CDH13: variants seen among roughly 807,000 people sequenced by gnomAD.
CDH13 encodes the protein cadherin-13.
Under a neutral mutation model 63.8 loss-of-function variants are expected in CDH13, and 24 were observed. That is an observed-to-expected ratio of 0.38 (90% confidence interval 0.27 to 0.53). The LOEUF is 0.53. Among genes scored for constraint, CDH13 ranks in the 20% least tolerant of loss-of-function variants. The pLI, the probability that CDH13 is intolerant of heterozygous loss-of-function variation, is 0.85. For synonymous variants in CDH13, 503 were observed against 355.3 expected, an observed-to-expected ratio of 1.42 and a Z score of -4.67; for missense variants, 1,049 against 903.1, an observed-to-expected ratio of 1.16 and a Z score of -2.07.
intron 1 of CDH13, chr16:82,637,776 A>G (rs1452115060): frequency 6.6e-6 from 1 of 152,208 alleles, no homozygotes; most frequent in Admixed American, 6.5e-5. Flanking sequence ...TGGTGAGTTT[A>G]AGGAACTGAC....
intron 4 of CDH13, among the ~76,000 whole-genome samples, chr16:83,183,400 T>C (rs1019233240): frequency 1.3e-5 from 2 of 152,220 alleles, no homozygotes; most frequent in Non-Finnish European, 2.9e-5. Flanking sequence ...CGTGAAGCCA[T>C]GGATTTGTTT....
At chr16:82,888,131 A>G (rs1008907635) in intron 2 of CDH13, among the ~76,000 whole-genome samples, 2 of 152,228 alleles carry the variant, frequency 1.3e-5, no homozygotes, top group African/African-American at 4.8e-5. Flanking sequence ...AGTTCCAAAA[A>G]GCACCGAACA....
chr16:83,362,238 T>G (rs913065990), intron 6 of CDH13, among the ~76,000 whole-genome samples: 9 of 152,164 alleles, frequency 5.9e-5, no homozygotes, highest in Non-Finnish European at 1.2e-4. Flanking sequence ...TCCACGCACA[T>G]CCACATATTC....
intron 2 of CDH13, among the ~76,000 whole-genome samples, chr16:82,899,151 G>A (rs1448186559): frequency 6.6e-6 from 1 of 152,244 alleles, no homozygotes; most frequent in Admixed American, 6.5e-5. Flanking sequence ...TGCAAGCTCA[G>A]TCCACAGGGT....
intron 2 of CDH13, among the ~76,000 whole-genome samples, chr16:82,941,054 C>T (rs567827123): frequency 5.3e-5 from 8 of 151,886 alleles, no homozygotes; most frequent in East Asian, 1.9e-4. Context: ...TTCTGGCAAA[C>T]GATAGGAAAA....
intron 7 of CDH13, among the ~76,000 whole-genome samples, chr16:83,555,614 G>A (rs2150678115): frequency 6.6e-6 from 1 of 152,346 alleles, no homozygotes; most frequent in African/African-American, 2.4e-5. Context: ...GTGATACTTA[G>A]CATAAGTGGA....
chr16:82,692,272 T>C (rs1364035664), intron 1 of CDH13, among the ~76,000 whole-genome samples: 1 of 152,198 alleles, frequency 6.6e-6, no homozygotes, highest in Non-Finnish European at 1.5e-5. Flanking sequence ...AATAAGTCAT[T>C]AGAAACTATA....
At chr16:82,862,265 C>CT (rs2039974891) in intron 2 of CDH13, among the ~76,000 whole-genome samples, 1 of 152,192 alleles carries the variant, frequency 6.6e-6, no homozygotes, top group Admixed American at 6.5e-5. Context: ...GATCCCCAGT[C>CT]TTAGAAGAAT....
intron 2 of CDH13, among the ~76,000 whole-genome samples, chr16:82,951,464 A>G (rs1278445731): frequency 6.6e-6 from 1 of 152,230 alleles, no homozygotes; most frequent in Admixed American, 6.5e-5. Flanking sequence ...ATCTCCTCCC[A>G]AGCCGAGGAC....
chr16:82,691,764 C>T (rs967540423), intron 1 of CDH13, among the ~76,000 whole-genome samples: 3 of 152,004 alleles, frequency 2.0e-5, no homozygotes, highest in African/African-American at 4.8e-5. Context: ...GATGGTCTCC[C>T]CTCAATATTC....
At chr16:83,227,572 G>C (rs963896171) in intron 5 of CDH13, among the ~76,000 whole-genome samples, 1 of 152,180 alleles carries the variant, frequency 6.6e-6, no homozygotes, top group Non-Finnish European at 1.5e-5. Context: ...CTCGATTCTG[G>C]CCTGCCCACT....
At chr16:82,912,099 A>G (rs1380468306) in intron 2 of CDH13, among the ~76,000 whole-genome samples, 3 of 151,828 alleles carry the variant, frequency 2.0e-5, no homozygotes, top group Non-Finnish European at 2.9e-5. Flanking sequence ...TCCCGCCATC[A>G]CCATGGAAAC....
At chr16:83,682,213 G>C (rs1462947218) in intron 10 of CDH13, among the ~76,000 whole-genome samples, 1 of 152,188 alleles carries the variant, frequency 6.6e-6, no homozygotes, top group African/African-American at 2.4e-5. Flanking sequence ...TGAGAGAGAT[G>C]ATTCCGGGCA....
intron 1 of CDH13, among the ~76,000 whole-genome samples, chr16:82,714,733 A>C (rs2032232535): frequency 6.9e-6 from 1 of 145,624 alleles, no homozygotes; most frequent in Non-Finnish European, 1.5e-5. Context: ...AAAAAAAAAA[A>C]AAAAAAGACA....
At chr16:83,713,518 A>G (rs1908397232) in intron 10 of CDH13, among the ~76,000 whole-genome samples, 1 of 152,152 alleles carries the variant, frequency 6.6e-6, no homozygotes, top group South Asian at 2.1e-4. Context: ...CCAAAAAAAA[A>G]AAAAATTTCC....
chr16:82,859,557 C>T (rs922915607), intron 2 of CDH13: 1 of 144,840 alleles, frequency 6.9e-6, no homozygotes, highest in Non-Finnish European at 1.5e-5. Context: ...GACTGTGTCT[C>T]AAAAAAGAAA....
At chr16:83,780,300 A>T (rs1915430582) in intron 12 of CDH13, 99 bp downstream of exon 12, 1 of 753,110 alleles carries the variant, frequency 1.3e-6, no homozygotes, top group African/African-American at 1.8e-5. Flanking sequence ...AAGTATTCTC[A>T]TTTGGTTCAT....
chr16:83,753,123 A>G (rs768078819), intron 11 of CDH13, among the ~76,000 whole-genome samples: 28 of 152,236 alleles, frequency 1.8e-4, no homozygotes, highest in Non-Finnish European at 3.7e-4. Flanking sequence ...ACTTACAGCA[A>G]AAAGAACATA....
chr16:83,154,155 C>A (rs932274144), intron 4 of CDH13, among the ~76,000 whole-genome samples: 3 of 152,128 alleles, frequency 2.0e-5, no homozygotes, highest in African/African-American at 7.2e-5. Context: ...TACGGTTCTG[C>A]CACCTTTGTC....
Sources: allele counts gnomAD v4.1 joint callset (sites outside exome capture counted in the v4.1 genomes callset), GRCh38; gene constraint gnomAD v4.1.1; transcripts MANE v1.5; gene names NCBI Gene and HGNC (gene_info 2026-07-23, HGNC 2026-07-21).